Variants in GPC6 observed in about 807,000 individuals in gnomAD.
GPC6 encodes the protein glypican-6.
In GPC6, 14 loss-of-function variants were observed where a neutral mutation model predicts 55.2. That is an observed-to-expected ratio of 0.25 (90% CI 0.17 to 0.40). The LOEUF is 0.40. Ranked by LOEUF, GPC6 falls within the 10% of genes least tolerant of loss-of-function variation. The probability of loss-of-function intolerance (pLI) is 1.00; values close to 1 mark genes in which losing one functional copy is unlikely to be tolerated. For synonymous variants in GPC6, 278 were observed against 259.6 expected (o/e 1.07, Z -0.68); for missense variants, 641 against 708.5 (o/e 0.90, Z 1.08).
chr13:94,207,352 A>C (rs2138983912), intron 4 of GPC6, among the ~76,000 whole-genome samples: 1 of 152,156 alleles, frequency 6.6e-6, no homozygotes, highest in African/African-American at 2.4e-5. Context: ...ATCTTAACAA[A>C]CCCATATTTC....
intron 4 of GPC6, among the ~76,000 whole-genome samples, chr13:94,233,179 A>G (rs1594082345): frequency 6.6e-6 from 1 of 151,990 alleles, no homozygotes; most frequent in South Asian, 2.1e-4. Context: ...CATCATATTT[A>G]AAAGCGCTAG....
At chr13:93,599,370 A>G (rs1336252053) in intron 2 of GPC6, among the ~76,000 whole-genome samples, 1 of 152,106 alleles carries the variant, frequency 6.6e-6, no homozygotes, top group Non-Finnish European at 1.5e-5. Context: ...CTCAAATCCA[A>G]CTATTTGCTT....
At position 94,406,359 on chromosome 13, in the gene GPC6, T is replaced by C. The variant is rs1020364334; in HGVS notation, c.*3142T>C. The stretch of plus-strand genomic sequence containing the variant: ...AATAAGAGCTCTGTTTATGGTTCTG[T>C]ATTGAAGGACAACCATGACAACCTT... On this transcript the variant is annotated 3_prime_UTR_variant, in exon 9 of 9. Transcript: ENST00000377047. 2.0e-5 allele frequency: 3 copies of C among 152,160 alleles called. No homozygotes were observed. The East Asian group carries it at 5.8e-4, about 29-fold the overall frequency. The allele number at this position is 152,160 out of a possible 1,614,324, so 9.4% of individuals were successfully genotyped here. A position where few individuals can be genotyped will look rare whatever the true frequency, so the allele number is the denominator to read the frequency against.
chr13:93,569,911 G>A (rs191805375), intron 2 of GPC6, among the ~76,000 whole-genome samples: 4 of 151,962 alleles, frequency 2.6e-5, no homozygotes, highest in Non-Finnish European at 5.9e-5. Context: ...AAAATATAAA[G>A]TATCTTTATA....
intron 2 of GPC6, among the ~76,000 whole-genome samples, chr13:93,573,756 C>T (rs1362365857): frequency 6.6e-6 from 1 of 152,102 alleles, no homozygotes; most frequent in South Asian, 2.1e-4. Context: ...AAGCTTCTTC[C>T]CCCAACACAC....
chr13:93,221,315 A>T, the GPC6 span, among the ~76,000 whole-genome samples: 3 of 152,206 alleles, frequency 2.0e-5, no homozygotes, highest in African/African-American at 7.2e-5. Flanking sequence ...ACTAAACATA[A>T]TTAAATAATT....
intron 2 of GPC6, among the ~76,000 whole-genome samples, chr13:93,595,854 G>T (rs1877704111): frequency 6.6e-6 from 1 of 152,060 alleles, no homozygotes. Context: ...TTGTCTTTCA[G>T]CAGCATGCCT....
At chr13:93,307,589 A>G (rs1183403953) in intron 1 of GPC6, among the ~76,000 whole-genome samples, 5 of 152,170 alleles carry the variant, frequency 3.3e-5, no homozygotes, top group Non-Finnish European at 7.4e-5. Context: ...TTCTATTAAC[A>G]CCATCATATT....
chr13:93,898,227 G>A (rs533759173), intron 3 of GPC6, among the ~76,000 whole-genome samples: 11 of 152,076 alleles, frequency 7.2e-5, no homozygotes, highest in African/African-American at 1.4e-4. Flanking sequence ...TTATTCATTC[G>A]GCCATCACTG....
chr13:93,630,111 A>G (rs1039041393), intron 2 of GPC6, among the ~76,000 whole-genome samples: 2 of 152,206 alleles, frequency 1.3e-5, no homozygotes. Context: ...TATGTCCAGA[A>G]CTTACTGGGT....
At chr13:94,108,936 A>G (rs375081413) in intron 4 of GPC6, among the ~76,000 whole-genome samples, 23 of 152,288 alleles carry the variant, frequency 1.5e-4, no homozygotes, top group South Asian at 6.2e-4. Context: ...CTGGTGGCCA[A>G]TCTTCTGCCT....
intron 5 of GPC6, among the ~76,000 whole-genome samples, chr13:94,288,957 A>T (rs1472342968): frequency 7.5e-6 from 1 of 133,618 alleles, no homozygotes; most frequent in Non-Finnish European, 1.6e-5. Flanking sequence ...ATAGATATAT[A>T]GATAGATAGA....
At chr13:93,547,299 T>G (rs1385246150) in intron 2 of GPC6, among the ~76,000 whole-genome samples, 1 of 151,968 alleles carries the variant, frequency 6.6e-6, no homozygotes. Context: ...TGAGCCGAGA[T>G]CGTGCCAGTA....
At chr13:93,729,187 T>G (rs555859717) in intron 2 of GPC6, among the ~76,000 whole-genome samples, 2 of 152,326 alleles carry the variant, frequency 1.3e-5, no homozygotes, top group East Asian at 3.9e-4. Context: ...CTCTTCTCTG[T>G]GTAGCTTAAC....
At chr13:93,789,384 A>G (rs1269270853) in intron 2 of GPC6, among the ~76,000 whole-genome samples, 1 of 149,802 alleles carries the variant, frequency 6.7e-6, no homozygotes, top group East Asian at 2.0e-4. Context: ...TGTGGCTCCT[A>G]CTCTCCAGGA....
intron 4 of GPC6, among the ~76,000 whole-genome samples, chr13:94,246,527 A>T (rs2139032302): frequency 6.6e-6 from 1 of 152,146 alleles, no homozygotes; most frequent in South Asian, 2.1e-4. Flanking sequence ...TTCCAAGTTG[A>T]TTTTTATGCA....
intron 4 of GPC6, among the ~76,000 whole-genome samples, chr13:94,085,350 GA>G (rs1314279142): frequency 2.2e-5 from 3 of 133,638 alleles, no homozygotes; most frequent in Admixed American, 7.6e-5. Flanking sequence ...AAAAAGGGAA[GA>G]AAAAGAAAAA....
chr13:93,569,722 ATC>A (rs749406503), intron 2 of GPC6, among the ~76,000 whole-genome samples: 1 of 151,974 alleles, frequency 6.6e-6, no homozygotes, highest in East Asian at 1.9e-4. Flanking sequence ...AAAGAGAAAA[ATC>A]TCTTTTATTT....
At chr13:93,265,470 C>A (rs1877290820) in intron 1 of GPC6, among the ~76,000 whole-genome samples, 1 of 152,110 alleles carries the variant, frequency 6.6e-6, no homozygotes, top group African/African-American at 2.4e-5. Flanking sequence ...ATTTCATGCA[C>A]AAAATTATTA....
Sources: allele counts gnomAD v4.1 joint callset (sites outside exome capture counted in the v4.1 genomes callset), GRCh38; gene constraint gnomAD v4.1.1; transcripts MANE v1.5; gene names NCBI Gene and HGNC (gene_info 2026-07-23, HGNC 2026-07-21).